The following PTPRU variants were observed in gnomAD, a reference collection of about 807,000 sequenced individuals.
The protein encoded by PTPRU is receptor-type tyrosine-protein phosphatase U.
PTPRU carries 69 observed loss-of-function variants against 166.3 expected under a neutral mutation model. The ratio of observed to expected loss-of-function variants is 0.41; its 90% CI spans 0.34 to 0.51. PTPRU has a LOEUF of 0.51. Ranked by LOEUF, PTPRU falls within the 20% of genes least tolerant of loss-of-function variation. The pLI is 0.09. For synonymous variants in PTPRU, 793 were observed against 814.0 expected (o/e 0.97, Z 0.44); for missense variants, 1,657 against 2,013.7 (o/e 0.82, Z 3.39).
intron 8 of PTPRU, among the ~76,000 whole-genome samples, chr1:29,278,101 G>A (rs944959085): frequency 1.3e-5 from 2 of 151,978 alleles, no homozygotes; most frequent in African/African-American, 2.4e-5. Context: ...GATTACATGC[G>A]TGAGCCACCG....
At chr1:29,284,276 G>C (rs868698591) in intron 13 of PTPRU, among the ~76,000 whole-genome samples, 2 of 152,242 alleles carry the variant, frequency 1.3e-5, no homozygotes, top group African/African-American at 2.4e-5. Context: ...TTCCTGTGGT[G>C]GGGGAGAAGG....
rs1208585188 is a variant in PTPRU at position 29,315,788 on chromosome 1, C to G, written c.3364-214C>G. ...GAGCTGTCCCCCACCTCTCAGAGCA[C>G]TCACAGAGTTGTTATAGGGGGTAGG... On this transcript the variant is annotated intron_variant, in intron 23 of 29. Coordinates refer to ENST00000373779, the MANE Select transcript of PTPRU (RefSeq NM_133178.4). The surrounding 1 kb of genome is among the most constrained non-coding windows in gnomAD (Gnocchi z 4.5). Among the ~76,000 whole-genome samples, 1 of 152,154 alleles carries G rather than the reference C, an allele frequency of 6.6e-6. No homozygotes were observed. The highest frequency in any genetic ancestry group is 1.9e-4 in the East Asian group (1 of 5,190).
chr1:29,245,765 TCTC>T (rs890575676), intron 1 of PTPRU, among the ~76,000 whole-genome samples: 3 of 152,180 alleles, frequency 2.0e-5, no homozygotes, highest in African/African-American at 7.2e-5. Context: ...GAAGGTGAAT[TCTC>T]CTGGGTTTCT....
In PTPRU at chr1:29,237,632, C is replaced by G. The variant is rs779522266; in HGVS notation, c.73+915C>G. On this transcript the variant is annotated intron_variant, in intron 1 of 29. Coordinates refer to ENST00000373779, the MANE Select transcript of PTPRU (RefSeq NM_133178.4). The surrounding 1 kb of genome is among the most constrained non-coding windows in gnomAD (Gnocchi z 6.4). ...TCGCGGCGGCGCCCCCTGGGCTGCC[C>G]GGGTCGGGCAGGGCCCGAGGCTCAG... is the stretch of plus-strand genomic sequence containing the variant. 4.7e-5 allele frequency among the ~76,000 whole-genome samples: 7 copies of G among 150,504 alleles called. No homozygotes were observed. Among genetic ancestry groups the G allele is most frequent in the Non-Finnish European group, 7.4e-5 (5 of 67,672 alleles).
In PTPRU at chr1:29,291,824, C is replaced by T; in HGVS notation, c.2319-45C>T. 6.2e-7 allele frequency: 1 copy of T among 1,603,044 alleles called. No homozygotes were observed. Among genetic ancestry groups the T allele is most frequent in the Non-Finnish European group, 8.5e-7 (1 of 1,173,802 alleles). On this transcript the variant is annotated intron_variant, in intron 14 of 29. Coordinates refer to ENST00000373779, the MANE Select transcript of PTPRU (RefSeq NM_133178.4). The surrounding 1 kb of genome is among the most constrained non-coding windows in gnomAD (Gnocchi z 4.1). ...TCCCCAGCCACCTCTGGGTGCTGTC[C>T]AGCCCCACACAATGCCTGTGTCTCC...
Position 29,317,873 on chromosome 1 carries a change from C to G in PTPRU, c.3639C>G (p.Ile1213Met), listed in dbSNP as rs1033158609. The change falls in exon 25 of 30, where the codon ATC becomes ATG. Residue 1213 changes from isoleucine (I) to methionine (M), a missense_variant. Coordinates refer to ENST00000373779, the MANE Select transcript of PTPRU (RefSeq NM_133178.4). This position sits in a 1 kb window ranked among gnomAD's most constrained non-coding sequence, Gnocchi z 5.6. ...LPPDRCLPFLISTDGDSNNYI... is the reference protein window; with the variant it reads ...LPPDRCLPFLMSTDGDSNNYI... ...CCGACCGCTGCCTGCCCTTCCTCAT[C>G]TCCACTGATGGGGACTCCAACAACT... is the stretch of plus-strand genomic sequence containing the variant. The G allele has an allele frequency of 6.2e-7, 1 of 1,614,108 alleles. No individual in the cohort carries two copies. The highest frequency in any genetic ancestry group is 2.2e-5 in the East Asian group (1 of 44,886).
Position 29,259,892 on chromosome 1 carries a change from C to A in PTPRU, c.698C>A (p.Pro233Gln). 1 of 1,531,450 alleles carries A rather than the reference C, an allele frequency of 6.5e-7. No individual in the cohort carries two copies. The highest frequency in any genetic ancestry group is 8.7e-7 in the Non-Finnish European group (1 of 1,145,392). 94.9% of individuals were successfully genotyped at this position (1,531,450 alleles called of 1,614,324 possible). A position where few individuals can be genotyped will look rare whatever the true frequency, so the allele number is the denominator to read the frequency against. The change falls in exon 6 of 30, where the codon CCG (proline) becomes CAG (glutamine). Residue 233 changes from proline to glutamine, a missense_variant. Physicochemically the swap from Pro to Gln is moderately conservative, Grantham distance 76. Transcript: ENST00000373779. ...LLQRQSGALV[P>Q]AAGVRHISHR... is the part of the protein sequence containing the mutation. The stretch of plus-strand genomic sequence containing the variant: ...CAGCGGCAGAGCGGGGCGCTGGTGC[C>A]GGCGGCGGGCGTGCGGCACATCAGC...
At chr1:29,313,077 C>T (rs917037936) in intron 22 of PTPRU, among the ~76,000 whole-genome samples, 2 of 152,188 alleles carry the variant, frequency 1.3e-5, no homozygotes, top group Admixed American at 6.5e-5. Flanking sequence ...GGAAGGACTT[C>T]ACTTCTCTCC....
chr1:29,260,017 T>A lies in PTPRU; in HGVS notation c.823T>A (p.Ser275Thr). Reference sequence around the variant, plus strand: ...CCAGGCCCCGCGCGGCGCGGGCGTCTCTAACTTCGCGGAGCTCATCGTCAA... The same window carrying A: ...CCAGGCCCCGCGCGGCGCGGGCGTCACTAACTTCGCGGAGCTCATCGTCAA... ...VSQAPRGAGVSNFAELIVKEP... is the reference protein window; with the variant it reads ...VSQAPRGAGVTNFAELIVKEP... The change falls in exon 6 of 30, where the codon TCT (serine) becomes ACT (threonine). Residue 275 changes from serine to threonine, a missense_variant. Ser to Thr is a moderately conservative substitution (Grantham distance 58, BLOSUM62 1). Transcript: ENST00000373779. This position sits in a 1 kb window ranked among gnomAD's most constrained non-coding sequence, Gnocchi z 8.3. 6.8e-7 allele frequency: 1 copy of A among 1,477,706 alleles called. No homozygotes were observed. The highest frequency in any genetic ancestry group is 8.9e-7 in the Non-Finnish European group (1 of 1,121,108). 91.5% of individuals were successfully genotyped at this position (1,477,706 alleles called of 1,614,324 possible).
Position 29,260,003 on chromosome 1 carries a change from G to T in PTPRU, c.809G>T (p.Arg270Leu). Residue 270 changes from arginine to leucine, a missense_variant, in exon 6 of 30, where the codon CGC becomes CTC. By Grantham distance (102) the Arg-to-Leu change is moderately radical. Around this residue, in one of 3 missense-constraint regions of PTPRU, gnomAD observed 453 missense variants for 496.9 expected, o/e 0.91. Coordinates refer to ENST00000373779, the MANE Select transcript of PTPRU (RefSeq NM_133178.4). The surrounding 1 kb of genome is among the most constrained non-coding windows in gnomAD (Gnocchi z 8.3). ...TACCGCTGTGTGTCCCAGGCCCCGC[G>T]CGGCGCGGGCGTCTCTAACTTCGCG... ...DLYRCVSQAP[R>L]GAGVSNFAEL... 1 of 1,487,996 alleles carries T rather than the reference G, an allele frequency of 6.7e-7. No homozygotes were observed. 92.2% of individuals were successfully genotyped at this position (1,487,996 alleles called of 1,614,324 possible).
At position 29,277,803 on chromosome 1, in the gene PTPRU, CTTTTTTTTTTTTTTTTTT is replaced by C. The variant is rs71586898; in HGVS notation, c.1454-1193_1454-1176del. Among the ~76,000 whole-genome samples the C allele has an allele frequency of 6.0e-3, 303 of 50,606 alleles. 2 individuals are homozygous for C. In the Middle Eastern group the frequency reaches 0.077, roughly 13 times the overall value. The allele number at this position is 50,606 out of a possible 152,430, so 33.2% of individuals were successfully genotyped here. ...ACCATCTGGCTTCACAGTTGTCATTCTTTTTTTTTTTTTTTTTTTTTTTTTTTTTTTTTGAGATGGAGT... is the reference window on the plus strand; with the variant it reads ...ACCATCTGGCTTCACAGTTGTCATTCTTTTTTTTTTTTTTTGAGATGGAGT... On this transcript the variant is annotated intron_variant, in intron 8 of 29. Coordinates refer to ENST00000373779, the MANE Select transcript of PTPRU (RefSeq NM_133178.4).
intron 11 of PTPRU, 97 bp from the exon 12 acceptor site, chr1:29,282,579 G>A: frequency 6.9e-7 from 1 of 1,448,190 alleles, no homozygotes; most frequent in Admixed American, 2.2e-5. Context: ...TAGTCCCCAG[G>A]AGGGCTTGAC....
chr1:29,293,983 C>T (rs1014291658), intron 15 of PTPRU, among the ~76,000 whole-genome samples: 1 of 152,222 alleles, frequency 6.6e-6, no homozygotes, highest in Non-Finnish European at 1.5e-5. Flanking sequence ...TTGACTTCTC[C>T]ATTCTGCCAT....
In PTPRU at chr1:29,260,753, G is replaced by A. The variant is rs1685023627; in HGVS notation, c.994G>A (p.Ala332Thr). Reference protein sequence around the residue: ...IEYRMARGPWAEVHAVSLQTY... With the variant: ...IEYRMARGPWTEVHAVSLQTY... ...GTACCGCATGGCGCGCGGGCCCTGG[G>A]CTGAGGTGCACGCCGTCAGCCTGCA... The change falls in exon 7 of 30, where the codon GCT (alanine) becomes ACT (threonine). Residue 332 changes from alanine (A) to threonine (T), a missense_variant. Ala to Thr is a moderately conservative substitution (Grantham distance 58, BLOSUM62 0). This residue lies in a region of PTPRU where 453 missense variants were observed against 496.9 expected (regional missense o/e 0.91). Coordinates refer to ENST00000373779, the MANE Select transcript of PTPRU (RefSeq NM_133178.4). This position sits in a 1 kb window ranked among gnomAD's most constrained non-coding sequence, Gnocchi z 8.3. 1 of 1,612,670 alleles carries A rather than the reference G, an allele frequency of 6.2e-7. No homozygotes were observed. The highest frequency in any genetic ancestry group is 8.5e-7 in the Non-Finnish European group (1 of 1,179,390).
intron 1 of PTPRU, among the ~76,000 whole-genome samples, chr1:29,247,279 T>G (rs1243900180): frequency 4.6e-5 from 7 of 152,260 alleles, no homozygotes; most frequent in Admixed American, 4.6e-4. Flanking sequence ...CTTGTGCAGC[T>G]CTGGGTCATG....
rs1433635119 is a variant in PTPRU, at chr1:29,280,573, C to A, written c.1868+432C>A. On this transcript the variant is annotated intron_variant, in intron 11 of 29. Coordinates refer to ENST00000373779, the MANE Select transcript of PTPRU (RefSeq NM_133178.4). This position sits in a 1 kb window ranked among gnomAD's most constrained non-coding sequence, Gnocchi z 4.2. ...GGCTAGGAGCTTGGCTTCTCCACCT[C>A]CTCTCCCCAGAGGAAGCTGGGCTTG... is the stretch of plus-strand genomic sequence containing the variant. 6.6e-6 allele frequency among the ~76,000 whole-genome samples: 1 copy of A among 152,200 alleles called. No individual in the cohort carries two copies. Among genetic ancestry groups the A allele is most frequent in the African/African-American group, 2.4e-5 (1 of 41,442 alleles).
At chr1:29,324,721 C>G (rs1688323236) in intron 28 of PTPRU, among the ~76,000 whole-genome samples, 1 of 152,212 alleles carries the variant, frequency 6.6e-6, no homozygotes, top group South Asian at 2.1e-4. Flanking sequence ...AATATGTCTT[C>G]TGAGATGTCT....
At chr1:29,301,577 TTTTC>T (rs1307799200) in intron 15 of PTPRU, among the ~76,000 whole-genome samples, 1 of 152,100 alleles carries the variant, frequency 6.6e-6, no homozygotes, top group African/African-American at 2.4e-5. Flanking sequence ...GAAGGCACCA[TTTTC>T]TTTCTTTCTT....
intron 21 of PTPRU, among the ~76,000 whole-genome samples, chr1:29,312,141 C>T (rs113422352): frequency 1.2e-4 from 18 of 152,322 alleles, no homozygotes; most frequent in Middle Eastern, 3.4e-3. Context: ...GGCTGGCCAG[C>T]GAGTCCTGTC....
Sources: allele counts gnomAD v4.1 joint callset (sites outside exome capture counted in the v4.1 genomes callset), GRCh38; gene constraint gnomAD v4.1.1; regional missense constraint gnomAD v4.1.1; non-coding constraint Gnocchi (gnomAD v3.1); transcripts MANE v1.5; gene names NCBI Gene and HGNC (gene_info 2026-07-23, HGNC 2026-07-21).